PRPF40B: variants seen among roughly 807,000 people sequenced by gnomAD.
PRPF40B encodes the protein pre-mRNA-processing factor 40 homolog B.
Under a neutral mutation model 124.5 loss-of-function variants are expected in PRPF40B, and 56 were observed. The observed-to-expected ratio is 0.45, with a 90% confidence interval of 0.36 to 0.56. The LOEUF (loss-of-function observed/expected upper bound fraction) is 0.56, where lower values mean the gene tolerates loss of function less well. Ranked by LOEUF, PRPF40B falls within the 20% of genes least tolerant of loss-of-function variation. PRPF40B has a pLI of 0.00. For synonymous variants in PRPF40B, 443 were observed against 426.4 expected (o/e 1.04, Z -0.48); for missense variants, 1,053 against 1,169.5 (o/e 0.90, Z 1.45).
intron 18 of PRPF40B, chr12:49,638,114 T>C: frequency 2.6e-6 from 1 of 377,624 alleles, no homozygotes. Flanking sequence ...ATTTAGAAAT[T>C]TGTAGGTGGA....
chr12:49,630,404 TTGGGG>T, intron 1 of PRPF40B, 136 bp from the exon 2 acceptor site: 1 of 692,140 alleles, frequency 1.4e-6, no homozygotes, highest in Non-Finnish European at 2.6e-6. Context: ...GGCTAAGGGC[TTGGGG>T]TGGGCAGGAA....
chr12:49,642,077 C>G lies in PRPF40B; in HGVS notation c.1884+53C>G. ...TTCTCTAATTCATCTGTGTCTTGCT[C>G]CATTCCTTCTCACTCACTGTCCCAC... On this transcript the variant is annotated intron_variant, in intron 19 of 25. Coordinates refer to ENST00000548825, the MANE Select transcript of PRPF40B (RefSeq NM_001031698.3). This position sits in a 1 kb window ranked among gnomAD's most constrained non-coding sequence, Gnocchi z 5.8. 9 of 1,605,240 alleles carry G rather than the reference C, an allele frequency of 5.6e-6. No homozygotes were observed. The highest frequency in any genetic ancestry group is 7.7e-6 in the Non-Finnish European group (9 of 1,174,880).
At chr12:49,636,590 C>T in intron 15 of PRPF40B, 126 bp from the exon 16 acceptor site, 2 of 1,342,418 alleles carry the variant, frequency 1.5e-6, no homozygotes. Flanking sequence ...CCCTCCAGGC[C>T]CTTCCCCCAC....
rs200976527 is a variant in PRPF40B at position 49,632,998 on chromosome 12, C to A, written c.349-16C>A. ...AGGGGCCTTGACCACCATTCTGTGC[C>A]CCCCCCCCCACCCAGAGGGCCCTAT... On this transcript the variant is annotated splice_polypyrimidine_tract_variant and intron_variant, in intron 6 of 25. Transcript: ENST00000548825. The A allele has an allele frequency of 1.5e-4, 72 of 483,612 alleles. No individual in the cohort carries two copies. The highest frequency in any genetic ancestry group is 2.5e-4 in the Non-Finnish European group (64 of 258,366). The allele number at this position is 483,612 out of a possible 1,614,324, so 30.0% of individuals were successfully genotyped here. A position where few individuals can be genotyped will look rare whatever the true frequency, so the allele number is the denominator to read the frequency against.
Position 49,632,996 on chromosome 12 carries a change from G to GGGCCCCC in PRPF40B, c.349-18_349-17insGGCCCCC. ...AAAGGGGCCTTGACCACCATTCTGTGCCCCCCCCCCCACCCAGAGGGCCCT... is the reference window on the plus strand; with the variant it reads ...AAAGGGGCCTTGACCACCATTCTGTGGGCCCCCCCCCCCCCCCCACCCAGAGGGCCCT... On this transcript the variant is annotated splice_polypyrimidine_tract_variant and intron_variant, in intron 6 of 25. Coordinates refer to ENST00000548825, the MANE Select transcript of PRPF40B (RefSeq NM_001031698.3). The GGGCCCCC allele has an allele frequency of 1.7e-6, 2 of 1,147,398 alleles. No homozygotes were observed. Among genetic ancestry groups the GGGCCCCC allele is most frequent in the Non-Finnish European group, 2.4e-6 (2 of 823,012 alleles). The allele number at this position is 1,147,398 out of a possible 1,614,324, so 71.1% of individuals were successfully genotyped here.
chr12:49,635,521 T>C lies in PRPF40B; in HGVS notation c.1275+48T>C, dbSNP rs766514422. ...CTTCAGCCCATCTCATCCTGGACTT[T>C]CCTTGTCTTTGCTTTGTTATGGACC... On this transcript the variant is annotated intron_variant, in intron 14 of 25. Transcript: ENST00000548825. The surrounding 1 kb of genome is among the most constrained non-coding windows in gnomAD (Gnocchi z 4.1). The C allele has an allele frequency of 6.5e-6, 10 of 1,542,568 alleles. No individual in the cohort carries two copies. The highest frequency in any genetic ancestry group is 2.2e-5 in the East Asian group (1 of 44,446).
In PRPF40B at chr12:49,636,737, T is replaced by C. The variant is rs1438652132; in HGVS notation, c.1448T>C (p.Leu483Pro). ...TTAGACATGGACAAGGAAGATGCAC[T>C]GATCTGTTTTGAGGAGCACATCCGA... is the stretch of plus-strand genomic sequence containing the variant. ...QLQNMDKEDA[L>P]ICFEEHIRAL... The change falls in exon 16 of 26, where the codon CTG becomes CCG. Residue 483 changes from leucine (L) to proline (P), a missense_variant. This residue lies in a region of PRPF40B where 895 missense variants were observed against 1,052.2 expected (regional missense o/e 0.85). Coordinates refer to ENST00000548825, the MANE Select transcript of PRPF40B (RefSeq NM_001031698.3). The C allele has an allele frequency of 1.9e-6, 3 of 1,614,200 alleles. No individual in the cohort carries two copies. Among genetic ancestry groups the C allele is most frequent in the Non-Finnish European group, 2.5e-6 (3 of 1,180,038 alleles).
chr12:49,633,216 G>T, intron 7 of PRPF40B, 92 bp downstream of exon 7: 1 of 1,299,068 alleles, frequency 7.7e-7, no homozygotes, highest in Non-Finnish European at 1.1e-6. Flanking sequence ...TATTCATGAT[G>T]GTTCCTCTGA....
upstream of PRPF40B, chr12:49,623,539 G>T: frequency 8.0e-7 from 1 of 1,244,746 alleles, no homozygotes; most frequent in Non-Finnish European, 1.0e-6. Context: ...CAATCAGAGC[G>T]GCTCTTACTG....
Position 49,631,799 on chromosome 12 carries a change from C to G in PRPF40B, c.229-61C>G, listed in dbSNP as rs974659128. The G allele has an allele frequency of 1.7e-5, 25 of 1,496,834 alleles. No homozygotes were observed. The African/African-American group carries it at 3.2e-4, about 19-fold the overall frequency. 92.7% of individuals were successfully genotyped at this position (1,496,834 alleles called of 1,614,324 possible). A position where few individuals can be genotyped will look rare whatever the true frequency, so the allele number is the denominator to read the frequency against. On this transcript the variant is annotated intron_variant, in intron 3 of 25. Coordinates refer to ENST00000548825, the MANE Select transcript of PRPF40B (RefSeq NM_001031698.3). The surrounding 1 kb of genome is among the most constrained non-coding windows in gnomAD (Gnocchi z 4.3). The stretch of plus-strand genomic sequence containing the variant: ...ATGTCTCAGGACCCTTTGAGGTACC[C>G]TGTCCCTCCTGTTCCAGCCCTTACC...
intron 1 of PRPF40B, among the ~76,000 whole-genome samples, chr12:49,626,037 G>A (rs769566938): frequency 6.6e-6 from 1 of 152,216 alleles, no homozygotes; most frequent in Non-Finnish European, 1.5e-5. Context: ...GAAGATGACT[G>A]TATACAGTTA....
In PRPF40B at chr12:49,642,029, G is replaced by A; in HGVS notation, c.1884+5G>A. On this transcript the variant is annotated splice_donor_5th_base_variant and intron_variant, in intron 19 of 25. Transcript: ENST00000548825. This position sits in a 1 kb window ranked among gnomAD's most constrained non-coding sequence, Gnocchi z 5.8. The stretch of plus-strand genomic sequence containing the variant: ...ATCAAGCTGACCTTCAATAGTGTGA[G>A]GGGCTGGGCGGGGCGTGGGAAGTTC... 6.2e-7 allele frequency: 1 copy of A among 1,611,122 alleles called. No homozygotes were observed. The highest frequency in any genetic ancestry group is 8.5e-7 in the Non-Finnish European group (1 of 1,179,696).
intron 18 of PRPF40B, chr12:49,640,974 G>A (rs1942556154): frequency 6.6e-6 from 1 of 152,228 alleles, no homozygotes; most frequent in Admixed American, 6.5e-5. Context: ...TTGGAAAGAA[G>A]AAAGAGGAGC....
At position 49,634,153 on chromosome 12, in the gene PRPF40B, C is replaced by T. The variant is rs897368864; in HGVS notation, c.812+61C>T. ...CCTCAGACTCCCAGCCTGGTTCAAC[C>T]CTTGTCCTCTGCTGGGCCTCTCTCT... On this transcript the variant is annotated intron_variant, in intron 10 of 25. Transcript: ENST00000548825. 133 of 1,587,186 alleles carry T rather than the reference C, an allele frequency of 8.4e-5. 1 individual carries two copies. The highest frequency in any genetic ancestry group is 2.6e-5 in the Non-Finnish European group (30 of 1,165,766).
At position 49,636,767 on chromosome 12, in the gene PRPF40B, T is replaced by C. The variant is rs768592072; in HGVS notation, c.1478T>C (p.Leu493Ser). The change falls in exon 16 of 26, where the codon TTG becomes TCG. Residue 493 changes from leucine (L) to serine (S), a missense_variant. This residue lies in a region of PRPF40B where 895 missense variants were observed against 1,052.2 expected (regional missense o/e 0.85). Coordinates refer to ENST00000548825, the MANE Select transcript of PRPF40B (RefSeq NM_001031698.3). ...LICFEEHIRA[L>S]EREEEEERER... ...TGTTTTGAGGAGCACATCCGAGCTT[T>C]GGAGAGGGAAGAGGAGGAGGAACGG... 6.2e-7 allele frequency: 1 copy of C among 1,614,150 alleles called. No homozygotes were observed. Among genetic ancestry groups the C allele is most frequent in the Admixed American group, 1.7e-5 (1 of 60,024 alleles).
chr12:49,632,996 G>GGGGGGGGGCCCCCCC lies in PRPF40B; in HGVS notation c.349-18_349-17insGGGGGGGGCCCCCCC. 5 of 1,147,388 alleles carry GGGGGGGGGCCCCCCC rather than the reference G, an allele frequency of 4.4e-6. No individual in the cohort carries two copies. Among genetic ancestry groups the GGGGGGGGGCCCCCCC allele is most frequent in the African/African-American group, 1.7e-5 (1 of 57,782 alleles). 71.1% of individuals were successfully genotyped at this position (1,147,388 alleles called of 1,614,324 possible). On this transcript the variant is annotated splice_polypyrimidine_tract_variant and intron_variant, in intron 6 of 25. Coordinates refer to ENST00000548825, the MANE Select transcript of PRPF40B (RefSeq NM_001031698.3). ...AAAGGGGCCTTGACCACCATTCTGT[G>GGGGGGGGGCCCCCCC]CCCCCCCCCCCACCCAGAGGGCCCT...
rs1201809375 is a variant in PRPF40B at position 49,642,884 on chromosome 12, G to A, written c.2119-46G>A. 1 of 1,573,938 alleles carries A rather than the reference G, an allele frequency of 6.4e-7. No individual in the cohort carries two copies. Among genetic ancestry groups the A allele is most frequent in the Middle Eastern group, 1.7e-4 (1 of 6,006 alleles). On this transcript the variant is annotated intron_variant, in intron 21 of 25. Coordinates refer to ENST00000548825, the MANE Select transcript of PRPF40B (RefSeq NM_001031698.3). The surrounding 1 kb of genome is among the most constrained non-coding windows in gnomAD (Gnocchi z 5.8). ...TTTAGGAAGTAGGATCCTTCCTGGGGCTAAGTCTGGTGCTGTCCTCACCCT... is the reference window on the plus strand; with the variant it reads ...TTTAGGAAGTAGGATCCTTCCTGGGACTAAGTCTGGTGCTGTCCTCACCCT...
chr12:49,631,982 C>A lies in PRPF40B; in HGVS notation c.294+57C>A. The stretch of plus-strand genomic sequence containing the variant: ...CTGCCCTGCAGTCCCGTGAGTCTGA[C>A]TTGGAATGCAGGACTATGACCTCCA... On this transcript the variant is annotated intron_variant, in intron 4 of 25. Coordinates refer to ENST00000548825, the MANE Select transcript of PRPF40B (RefSeq NM_001031698.3). The surrounding 1 kb of genome is among the most constrained non-coding windows in gnomAD (Gnocchi z 4.3). 1 of 1,524,624 alleles carries A rather than the reference C, an allele frequency of 6.6e-7. No individual in the cohort carries two copies. The highest frequency in any genetic ancestry group is 9.1e-7 in the Non-Finnish European group (1 of 1,099,394). The allele number at this position is 1,524,624 out of a possible 1,614,324, so 94.4% of individuals were successfully genotyped here. A position where few individuals can be genotyped will look rare whatever the true frequency, so the allele number is the denominator to read the frequency against.
Position 49,631,406 on chromosome 12 carries a change from C to T in PRPF40B, c.90C>T (p.Pro30=). The T allele has an allele frequency of 6.7e-7, 1 of 1,496,840 alleles. No homozygotes were observed. The highest frequency in any genetic ancestry group is 2.4e-5 in the East Asian group (1 of 41,190). 92.7% of individuals were successfully genotyped at this position (1,496,840 alleles called of 1,614,324 possible). A position where few individuals can be genotyped will look rare whatever the true frequency, so the allele number is the denominator to read the frequency against. Residue 30 remains proline, a synonymous_variant, in exon 3 of 26, where the codon CCC becomes CCT. Transcript: ENST00000548825. This position sits in a 1 kb window ranked among gnomAD's most constrained non-coding sequence, Gnocchi z 4.3. ...GPPMMPPPFM[P]PPGIPPPFPP... is the part of the protein sequence containing the mutation. ...CTTCCTTTACTCATTTCCAGATGCC[C>T]CCTCCAGGGATCCCCCCACCCTTTC...
Sources: allele counts gnomAD v4.1 joint callset (sites outside exome capture counted in the v4.1 genomes callset), GRCh38; gene constraint gnomAD v4.1.1; regional missense constraint gnomAD v4.1.1; non-coding constraint Gnocchi (gnomAD v3.1); transcripts MANE v1.5; gene names NCBI Gene and HGNC (gene_info 2026-07-23, HGNC 2026-07-21).